TTC21A: variants seen among roughly 807,000 people sequenced by gnomAD.
The protein encoded by TTC21A is tetratricopeptide repeat domain 21A.
A neutral mutation model predicts 156.4 loss-of-function variants in TTC21A; 128 were observed. That is an observed-to-expected ratio of 0.82 (90% CI 0.71 to 0.95). The LOEUF (loss-of-function observed/expected upper bound fraction) is 0.95, where lower values mean the gene tolerates loss of function less well. Among genes scored for constraint, TTC21A ranks in the 40% least tolerant of loss-of-function variants. The pLI is 0.00. For synonymous variants in TTC21A, 587 were observed against 617.1 expected, an observed-to-expected ratio of 0.95 and a Z score of 0.72; for missense variants, 1,435 against 1,602.3, an observed-to-expected ratio of 0.90 and a Z score of 1.78.
intron 7 of TTC21A, chr3:39,119,672 C>T: frequency 3.5e-6 from 1 of 284,980 alleles, no homozygotes; most frequent in Non-Finnish European, 6.5e-6. Flanking sequence ...AAAACAAATT[C>T]AAGAACAGAG....
chr3:39,108,756 A>G (rs1274743819), intron 1 of TTC21A, among the ~76,000 whole-genome samples: 1 of 152,248 alleles, frequency 6.6e-6, no homozygotes, highest in Non-Finnish European at 1.5e-5. Context: ...TACAATTCGT[A>G]TAATTTTTCT....
intron 9 of TTC21A, 100 bp from the exon 10 acceptor site, chr3:39,124,963 G>T: frequency 1.3e-6 from 1 of 794,970 alleles, no homozygotes; most frequent in South Asian, 1.4e-5. Flanking sequence ...CCTACACTGA[G>T]ACATCTTCCT....
In TTC21A at chr3:39,128,405, C is replaced by T. The variant is rs1397127929; in HGVS notation, c.1597C>T (p.Leu533Phe). 2 of 1,614,218 alleles carry T rather than the reference C, an allele frequency of 1.2e-6. No individual in the cohort carries two copies. The highest frequency in any genetic ancestry group is 1.3e-5 in the African/African-American group (1 of 75,060). Reference protein sequence around the residue: ...LDPASVDAHLLMCQIYLAQGN... With the variant: ...LDPASVDAHLFMCQIYLAQGN... The stretch of plus-strand genomic sequence containing the variant: ...CCCCGCCTCCGTGGATGCCCATCTC[C>T]TCATGTGTCAGATCTACTTGGCTCA... Residue 533 changes from leucine to phenylalanine, a missense_variant, in exon 13 of 29, where the codon CTC becomes TTC. Physicochemically the swap from Leu to Phe is conservative, Grantham distance 22 (BLOSUM62 0). Transcript: ENST00000683103.
intron 9 of TTC21A, among the ~76,000 whole-genome samples, chr3:39,123,604 A>G (rs2037954999): frequency 6.6e-6 from 1 of 152,168 alleles, no homozygotes; most frequent in Non-Finnish European, 1.5e-5. Flanking sequence ...TAAATGAAAC[A>G]TGGGTTTCCC....
rs993394343 is a variant in TTC21A, at chr3:39,107,744, C to T, written c.-94C>T. On this transcript the variant is annotated 5_prime_UTR_variant, in exon 1 of 29. Coordinates refer to ENST00000683103, the MANE Select transcript of TTC21A (RefSeq NM_001366900.1). ...TTCCAAGGACTGTAACGCCTTCAAC[C>T]GCCCGCCGCGATAGAGTGCCCACGA... 7 of 1,572,168 alleles carry T rather than the reference C, an allele frequency of 4.5e-6. No individual in the cohort carries two copies. Among genetic ancestry groups the T allele is most frequent in the Admixed American group, 3.3e-5 (2 of 59,832 alleles).
Position 39,138,786 on chromosome 3 carries a change from T to C in TTC21A, c.3940T>C (p.Ter1314GlnextTer9). 1 of 1,613,754 alleles carries C rather than the reference T, an allele frequency of 6.2e-7. No homozygotes were observed. Among genetic ancestry groups the C allele is most frequent in the East Asian group, 2.2e-5 (1 of 44,874 alleles). Residue 1314 changes from the stop codon to glutamine, a stop_lost, in exon 29 of 29, where the codon TAG becomes CAG. Transcript: ENST00000683103. The stretch of plus-strand genomic sequence containing the variant: ...AAAGGCCCGAAGGTCCCTGAGGCCC[T>C]AGCTGGGGTCAAGGGGCCTGGACCA... The part of the protein sequence containing the change: ...LEKARRSLRP[*>Q]
chr3:39,107,998 C>T (rs28362643), intron 1 of TTC21A, 134 bp downstream of exon 1: 127,833 of 1,103,940 alleles, frequency 0.12, 8,080 homozygotes, highest in East Asian at 0.12. Context: ...TTTTCTTGCC[C>T]CACTCCCCCT....
At chr3:39,109,932 C>T (rs1287092164) in intron 2 of TTC21A, 97 bp from the exon 3 acceptor site, 22 of 832,662 alleles carry the variant, frequency 2.6e-5, no homozygotes, top group Non-Finnish European at 3.9e-5. Context: ...CCAGTTAGTC[C>T]AGCAGGTAGT....
rs2038633550 is a variant in TTC21A, at chr3:39,130,398, GC to G, written c.2319+43del. On this transcript the variant is annotated intron_variant, in intron 17 of 28. Coordinates refer to ENST00000683103, the MANE Select transcript of TTC21A (RefSeq NM_001366900.1). This position sits in a 1 kb window ranked among gnomAD's most constrained non-coding sequence, Gnocchi z 4.5. ...GGGTGTGAAGGGGCAGGGAGGGCCA[GC>G]CCAGCAGGGAAGGAGGAGGACGGTA... 2 of 1,524,388 alleles carry G rather than the reference GC, an allele frequency of 1.3e-6. No individual in the cohort carries two copies. Among genetic ancestry groups the G allele is most frequent in the Non-Finnish European group, 1.8e-6 (2 of 1,110,324 alleles). The allele number at this position is 1,524,388 out of a possible 1,614,324, so 94.4% of individuals were successfully genotyped here. A position where few individuals can be genotyped will look rare whatever the true frequency, so the allele number is the denominator to read the frequency against.
chr3:39,128,558 G>T, intron 13 of TTC21A, 70 bp downstream of exon 13: 3 of 1,602,660 alleles, frequency 1.9e-6, no homozygotes, highest in Non-Finnish European at 2.6e-6. Context: ...CCTTCTGAGA[G>T]TAGCCCCAGG....
At position 39,137,012 on chromosome 3, in the gene TTC21A, A is replaced by G. The variant is rs772966038; in HGVS notation, c.3209A>G (p.Asn1070Ser). Residue 1070 changes from asparagine to serine, a missense_variant, in exon 24 of 29, where the codon AAC becomes AGC. By Grantham distance (46) the Asn-to-Ser change is conservative (BLOSUM62 1). Transcript: ENST00000683103. ...HMVQICLNPD[N>S]EVVGGEAFEN... ...GTGCAGATCTGTCTGAATCCAGACAACGAGGTTGTGGGCGGAGAGGCTTTT... is the reference window on the plus strand; with the variant it reads ...GTGCAGATCTGTCTGAATCCAGACAGCGAGGTTGTGGGCGGAGAGGCTTTT... 2 of 1,613,870 alleles carry G rather than the reference A, an allele frequency of 1.2e-6. No homozygotes were observed. Among genetic ancestry groups the G allele is most frequent in the Non-Finnish European group, 1.7e-6 (2 of 1,179,960 alleles).
chr3:39,135,416 C>G (rs1290946192), intron 22 of TTC21A, among the ~76,000 whole-genome samples: 1 of 152,246 alleles, frequency 6.6e-6, no homozygotes, highest in Non-Finnish European at 1.5e-5. Context: ...CATGTCTGTC[C>G]CCAAATCACA....
Position 39,109,216 on chromosome 3 carries a change from TAAGG to T in TTC21A, c.157+4_157+7del. 6.2e-7 allele frequency: 1 copy of T among 1,612,650 alleles called. No homozygotes were observed. Among genetic ancestry groups the T allele is most frequent in the South Asian group, 1.1e-5 (1 of 91,042 alleles). On this transcript the variant is annotated splice_donor_5th_base_variant and intron_variant, in intron 2 of 28. Coordinates refer to ENST00000683103, the MANE Select transcript of TTC21A (RefSeq NM_001366900.1). ...AAGCCTATGGAGTCCTCAAAGAAGG[TAAGG>T]ACTTGGCAGTGTTGGTCTTGTGACC...
chr3:39,119,100 A>G (rs1268374565), intron 7 of TTC21A: 1 of 152,224 alleles, frequency 6.6e-6, no homozygotes, highest in Non-Finnish European at 1.5e-5. Context: ...CTTAGCATTT[A>G]GCTAACTGAG....
At chr3:39,114,932 A>G (rs1259653185) in intron 6 of TTC21A, among the ~76,000 whole-genome samples, 190 bp downstream of exon 6, 4 of 152,184 alleles carry the variant, frequency 2.6e-5, no homozygotes, top group African/African-American at 9.6e-5. Context: ...ACATGATAAC[A>G]TGAGGCTAGG....
chr3:39,108,131 C>G, intron 1 of TTC21A: 1 of 578,720 alleles, frequency 1.7e-6, no homozygotes, highest in Non-Finnish European at 3.1e-6. Context: ...GTCATCATCC[C>G]TTCTTCCACC....
In TTC21A at chr3:39,133,233, A is replaced by G. The variant is rs939977758; in HGVS notation, c.2744A>G (p.Asp915Gly). 3 of 1,612,618 alleles carry G rather than the reference A, an allele frequency of 1.9e-6. No individual in the cohort carries two copies. Among genetic ancestry groups the G allele is most frequent in the Non-Finnish European group, 2.5e-6 (3 of 1,178,922 alleles). The change falls in exon 20 of 29, where the codon GAC becomes GGC. Residue 915 changes from aspartate to glycine, a missense_variant. Physicochemically the swap from Asp to Gly is moderately conservative, Grantham distance 94. Transcript: ENST00000683103. ...GATGTCTTCTCCTACTTGCCAACTG[A>G]CAATAAGGTGAGTGGCCCTCAAAGC... ...YKDVFSYLPT[D>G]NKVMLELAQL... is the part of the protein sequence containing the mutation.
At chr3:39,108,067 G>T (rs2036389716) in intron 1 of TTC21A, 2 of 604,994 alleles carry the variant, frequency 3.3e-6, no homozygotes, top group Non-Finnish European at 5.8e-6. Context: ...TAGCATCCCC[G>T]TTTCTTGAGC....
At chr3:39,114,522 C>T (rs1214536189) in intron 5 of TTC21A, 63 bp from the exon 6 acceptor site, 2 of 1,544,310 alleles carry the variant, frequency 1.3e-6, no homozygotes, top group African/African-American at 1.4e-5. Flanking sequence ...GACAACCCCC[C>T]TCCAGCAAAC....
Sources: allele counts gnomAD v4.1 joint callset (sites outside exome capture counted in the v4.1 genomes callset), GRCh38; gene constraint gnomAD v4.1.1; non-coding constraint Gnocchi (gnomAD v3.1); transcripts MANE v1.5; gene names NCBI Gene and HGNC (gene_info 2026-07-23, HGNC 2026-07-21).